ADAMTS16: variants seen among roughly 807,000 people sequenced by gnomAD.
ADAMTS16 encodes ADAM metallopeptidase with thrombospondin type 1 motif 16.
In ADAMTS16, 94 loss-of-function variants were observed where a neutral mutation model predicts 145.8. The observed-to-expected ratio is 0.64, with a 90% CI of 0.55 to 0.77. The LOEUF (loss-of-function observed/expected upper bound fraction) is 0.77, where lower values mean the gene tolerates loss of function less well. ADAMTS16 is among the 30% of genes least tolerant of loss of function. The probability of loss-of-function intolerance (pLI) is 0.00; values close to 1 mark genes in which losing one functional copy is unlikely to be tolerated. For missense variants in ADAMTS16, 1,585 were observed against 1,591.5 expected, an observed-to-expected ratio of 1.00 and a Z score of 0.07; for synonymous variants, 659 against 604.3, an observed-to-expected ratio of 1.09 and a Z score of -1.33.
intron 18 of ADAMTS16, among the ~76,000 whole-genome samples, chr5:5,302,794 G>A (rs531111867): frequency 6.6e-6 from 1 of 152,006 alleles, no homozygotes; most frequent in South Asian, 2.1e-4. Flanking sequence ...GTGATATTAC[G>A]GTTATGTTTT....
intron 2 of ADAMTS16, among the ~76,000 whole-genome samples, chr5:5,144,826 C>T (rs1292805621): frequency 3.9e-5 from 6 of 152,186 alleles, no homozygotes; most frequent in South Asian, 2.1e-4. Context: ...TTAGGGTGCT[C>T]GTGAACATTC....
intron 17 of ADAMTS16, among the ~76,000 whole-genome samples, chr5:5,250,705 C>CTGTGTG (rs1342870465): frequency 1.7e-3 from 7 of 4,042 alleles, no homozygotes; most frequent in Admixed American, 4.7e-3. Context: ...TCTGTCTCTT[C>CTGTGTG]TCTCTGTGTG....
At chr5:5,267,833 G>A (rs376855382) in intron 18 of ADAMTS16, among the ~76,000 whole-genome samples, 4 of 152,138 alleles carry the variant, frequency 2.6e-5, no homozygotes, top group African/African-American at 7.2e-5. Context: ...ACCAGGGACC[G>A]CCCCCTTCTC....
rs1031710031 is a variant in ADAMTS16 at position 5,269,206 on chromosome 5, G to C, written c.2789+6423G>C. Among the ~76,000 whole-genome samples, 1 of 151,984 alleles carries C rather than the reference G, an allele frequency of 6.6e-6. No homozygotes were observed. Among genetic ancestry groups the C allele is most frequent in the African/African-American group, 2.4e-5 (1 of 41,364 alleles). ...CCAGGACCCCGGAGCCCCCACCCAG[G>C]CCAGAGGCTGTGGCAGTGCTGGAAC... On this transcript the variant is annotated intron_variant, in intron 18 of 22. Coordinates refer to ENST00000274181, the MANE Select transcript of ADAMTS16 (RefSeq NM_139056.4). This position sits in a 1 kb window ranked among gnomAD's most constrained non-coding sequence, Gnocchi z 4.3.
intron 9 of ADAMTS16, among the ~76,000 whole-genome samples, chr5:5,201,456 A>C (rs990030819): frequency 7.0e-6 from 1 of 142,520 alleles, no homozygotes; most frequent in Non-Finnish European, 1.5e-5. Flanking sequence ...TGTGATAGGA[A>C]AGTTTGAAAT....
chr5:5,234,321 C>A (rs1034960345), intron 12 of ADAMTS16, among the ~76,000 whole-genome samples: 13 of 152,196 alleles, frequency 8.5e-5, no homozygotes, highest in Non-Finnish European at 1.2e-4. Flanking sequence ...AAAGCAAAGT[C>A]ATTGAACTTC....
intron 17 of ADAMTS16, among the ~76,000 whole-genome samples, chr5:5,250,738 C>CGT (rs1553994634): frequency 2.4e-5 from 2 of 82,066 alleles, no homozygotes; most frequent in Non-Finnish European, 5.8e-5. Context: ...TGTGTGTGTG[C>CGT]GCGCACTCCT....
intron 3 of ADAMTS16, among the ~76,000 whole-genome samples, chr5:5,167,765 C>T (rs1370826295): frequency 6.6e-6 from 1 of 152,240 alleles, no homozygotes; most frequent in Non-Finnish European, 1.5e-5. Flanking sequence ...GTGCTTTGCC[C>T]TGGGATACAA....
chr5:5,200,327 G>T (rs940482258), intron 9 of ADAMTS16, 58 bp downstream of exon 9: 1 of 1,599,624 alleles, frequency 6.3e-7, no homozygotes, highest in Non-Finnish European at 8.5e-7. Context: ...CTCACTGCCT[G>T]GTCAGCCAGA....
At chr5:5,175,222 A>T (rs1735154410) in intron 3 of ADAMTS16, among the ~76,000 whole-genome samples, 2 of 152,082 alleles carry the variant, frequency 1.3e-5, no homozygotes, top group African/African-American at 4.8e-5. Context: ...TCAGCAGGAG[A>T]TGAATCCTGA....
chr5:5,207,649 A>G (rs562959038), intron 9 of ADAMTS16, among the ~76,000 whole-genome samples: 2 of 152,002 alleles, frequency 1.3e-5, no homozygotes, highest in Non-Finnish European at 1.5e-5. Context: ...TCGCACCATT[A>G]ATTATAATGT....
chr5:5,276,812 C>A (rs1247632302), intron 18 of ADAMTS16, among the ~76,000 whole-genome samples: 1 of 152,008 alleles, frequency 6.6e-6, no homozygotes, highest in East Asian at 1.9e-4. Context: ...CAGAGTGTGA[C>A]CACTAGCCTC....
intron 18 of ADAMTS16, among the ~76,000 whole-genome samples, chr5:5,277,747 C>T (rs868733840): frequency 3.3e-5 from 5 of 151,964 alleles, no homozygotes; most frequent in Non-Finnish European, 7.4e-5. Flanking sequence ...AGGGTGAGGC[C>T]GGAGGATCGC....
At chr5:5,144,420 T>C (rs528596382) in intron 2 of ADAMTS16, among the ~76,000 whole-genome samples, 1 of 152,252 alleles carries the variant, frequency 6.6e-6, no homozygotes, top group Non-Finnish European at 1.5e-5. Flanking sequence ...TTCATTCTTT[T>C]AGAGTATATT....
chr5:5,198,136 T>C (rs988851660), intron 8 of ADAMTS16, among the ~76,000 whole-genome samples: 3 of 152,224 alleles, frequency 2.0e-5, no homozygotes, highest in African/African-American at 4.8e-5. Context: ...AGCAAGTTTA[T>C]CGAGGGCAAT....
At chr5:5,202,182 C>T (rs1419889429) in intron 9 of ADAMTS16, among the ~76,000 whole-genome samples, 6 of 152,172 alleles carry the variant, frequency 3.9e-5, no homozygotes, top group African/African-American at 1.4e-4. Context: ...TGATCATCAG[C>T]CTCCAGGGGC....
At chr5:5,264,884 G>A (rs142101537) in intron 18 of ADAMTS16, among the ~76,000 whole-genome samples, 237 of 152,296 alleles carry the variant, frequency 1.6e-3, no homozygotes, top group African/African-American at 5.5e-3. Context: ...TGGAGTTGAT[G>A]GACACACACG....
rs1478689881 is a variant in ADAMTS16, at chr5:5,319,421, A to G, written c.*283A>G. On this transcript the variant is annotated 3_prime_UTR_variant, in exon 23 of 23. Coordinates refer to ENST00000274181, the MANE Select transcript of ADAMTS16 (RefSeq NM_139056.4). ...CAGAAGGCAGGCACCACAACGGGAGAGGCAGCACTCACCCCTGCCTGTTGC... is the reference window on the plus strand; with the variant it reads ...CAGAAGGCAGGCACCACAACGGGAGGGGCAGCACTCACCCCTGCCTGTTGC... The G allele has an allele frequency of 8.7e-5, 40 of 457,284 alleles. No homozygotes were observed. The Admixed American group carries it at 1.3e-3, about 15-fold the overall frequency. The allele number at this position is 457,284 out of a possible 1,614,324, so 28.3% of individuals were successfully genotyped here. A position where few individuals can be genotyped will look rare whatever the true frequency, so the allele number is the denominator to read the frequency against.
intron 14 of ADAMTS16, among the ~76,000 whole-genome samples, chr5:5,237,364 A>G (rs1036152198): frequency 6.6e-6 from 1 of 152,160 alleles, no homozygotes; most frequent in African/African-American, 2.4e-5. Context: ...GGAGAAGGGA[A>G]CATCCACATC....
Sources: gnomAD v4.1 joint callset for allele counts (sites outside exome capture counted in the v4.1 genomes callset) on GRCh38, gnomAD v4.1.1 for gene constraint, Gnocchi (gnomAD v3.1) non-coding constraint, MANE v1.5 for transcripts, NCBI Gene and HGNC (gene_info 2026-07-23, HGNC 2026-07-21) for gene names.